Variants in STOX2 observed in about 807,000 individuals in gnomAD.
The protein encoded by STOX2 is storkhead box 2.
In STOX2, 28 loss-of-function variants were observed where a neutral mutation model predicts 60.9. That is an observed-to-expected ratio of 0.46 (90% CI 0.34 to 0.63). The LOEUF is 0.63. Ranked by LOEUF, STOX2 falls within the 30% of genes least tolerant of loss-of-function variation. The pLI is 0.01. For missense variants in STOX2, 1,024 were observed against 1,187.7 expected (o/e 0.86, Z 2.03); for synonymous variants, 472 against 463.9 (o/e 1.02, Z -0.22).
At chr4:183,976,082 G>A (rs1263508854) in intron 1 of STOX2, among the ~76,000 whole-genome samples, 1 of 152,240 alleles carries the variant, frequency 6.6e-6, no homozygotes, top group Non-Finnish European at 1.5e-5. Context: ...GGAGGCCAAG[G>A]CAGGCAGATC....
At position 184,020,131 on chromosome 4, in the gene STOX2, G is replaced by A. The variant is rs936304109; in HGVS notation, c.*2847G>A. 18 of 152,230 alleles carry A rather than the reference G, an allele frequency of 1.2e-4. No homozygotes were observed. The highest frequency in any genetic ancestry group is 1.7e-4 in the African/African-American group (7 of 41,524). 9.4% of individuals were successfully genotyped at this position (152,230 alleles called of 1,614,324 possible). A position where few individuals can be genotyped will look rare whatever the true frequency, so the allele number is the denominator to read the frequency against. ...CCATAAATTTGATGAAATGGCAGCC[G>A]TGTGTTAAAGTGTATCGTTCAGAAG... On this transcript the variant is annotated 3_prime_UTR_variant, in exon 4 of 4. Transcript: ENST00000308497.
chr4:183,849,709 C>G (rs148178291), intron 1 of STOX2, among the ~76,000 whole-genome samples: 1 of 152,076 alleles, frequency 6.6e-6, no homozygotes, highest in African/African-American at 2.4e-5. Flanking sequence ...AAGACTGGAG[C>G]CATCCACACA....
chr4:183,860,874 T>G (rs922720543), intron 1 of STOX2, among the ~76,000 whole-genome samples: 7 of 152,150 alleles, frequency 4.6e-5, no homozygotes, highest in Non-Finnish European at 8.8e-5. Flanking sequence ...TTTCCGTAGG[T>G]GGAAGACAGC....
At chr4:183,803,922 C>T (rs1235690738) in intron 1 of STOX2, among the ~76,000 whole-genome samples, 3 of 152,146 alleles carry the variant, frequency 2.0e-5, no homozygotes, top group Non-Finnish European at 4.4e-5. Context: ...GAGCTGAGAT[C>T]ACGACACTGC....
chr4:184,018,223 A>G lies in STOX2; in HGVS notation c.*939A>G, dbSNP rs945492574. On this transcript the variant is annotated 3_prime_UTR_variant, in exon 4 of 4. Transcript: ENST00000308497. ...ACAATAATTAGTTTGTTTAAAAGCAAAATGTTCTTTGTGATACAAATGAAG... is the reference window on the plus strand; with the variant it reads ...ACAATAATTAGTTTGTTTAAAAGCAGAATGTTCTTTGTGATACAAATGAAG... The G allele has an allele frequency of 1.3e-5, 2 of 152,242 alleles. No homozygotes were observed. The highest frequency in any genetic ancestry group is 2.9e-5 in the Non-Finnish European group (2 of 68,044). The allele number at this position is 152,242 out of a possible 1,614,324, so 9.4% of individuals were successfully genotyped here.
rs554942530 is a variant in STOX2, at chr4:183,922,320, A to T, written c.166+15364A>T. Among the ~76,000 whole-genome samples, 161 of 152,006 alleles carry T rather than the reference A, an allele frequency of 1.1e-3. 1 individual carries two copies. Among genetic ancestry groups the T allele is most frequent in the Non-Finnish European group, 1.9e-3 (128 of 67,946 alleles). Reference sequence around the variant, plus strand: ...ACTTTTTCAAATTGTGGTAAAAAAAAAACACATAATGCAAAAGTTACCATC... The same window carrying T: ...ACTTTTTCAAATTGTGGTAAAAAAATAACACATAATGCAAAAGTTACCATC... On this transcript the variant is annotated intron_variant, in intron 1 of 3. Coordinates refer to ENST00000308497, the MANE Select transcript of STOX2 (RefSeq NM_020225.3).
chr4:183,855,896 C>T (rs142121288), intron 1 of STOX2, among the ~76,000 whole-genome samples: 1 of 152,292 alleles, frequency 6.6e-6, no homozygotes, highest in Non-Finnish European at 1.5e-5. Context: ...ATTTTAGCTG[C>T]CTCACGATGC....
chr4:183,920,233 C>A lies in STOX2; in HGVS notation c.166+13277C>A, dbSNP rs150423010. On this transcript the variant is annotated intron_variant, in intron 1 of 3. Coordinates refer to ENST00000308497, the MANE Select transcript of STOX2 (RefSeq NM_020225.3). ...TGGGTTCAAGCAATTCTCCTGCCTC[C>A]GCCTCCTGAGTAGCTGGGATGGCCT... Among the ~76,000 whole-genome samples, 788 of 152,102 alleles carry A rather than the reference C, an allele frequency of 5.2e-3. 5 individuals carry two copies. The highest frequency in any genetic ancestry group is 0.018 in the African/African-American group (757 of 41,492).
At chr4:183,890,166 G>C (rs1170028613) in intron 1 of STOX2, among the ~76,000 whole-genome samples, 2 of 152,044 alleles carry the variant, frequency 1.3e-5, no homozygotes, top group Non-Finnish European at 2.9e-5. Flanking sequence ...AAGGAAACCG[G>C]TAAACTCAGG....
chr4:183,935,716 T>A (rs990434082), intron 1 of STOX2, among the ~76,000 whole-genome samples: 2 of 152,222 alleles, frequency 1.3e-5, no homozygotes, highest in African/African-American at 4.8e-5. Context: ...GTTATGAGAA[T>A]TAATATTAAT....
At chr4:183,898,433 G>A (rs946486389) in intron 1 of STOX2, among the ~76,000 whole-genome samples, 1 of 152,204 alleles carries the variant, frequency 6.6e-6, no homozygotes, top group African/African-American at 2.4e-5. Context: ...GGAATGAGCA[G>A]CTTGAGTTTG....
At position 183,865,008 on chromosome 4, in the gene STOX2, T is replaced by A. The variant is rs937693678; in HGVS notation, c.364+66953T>A. On this transcript the variant is annotated intron_variant, in intron 1 of 2. Coordinates refer to the STOX2 transcript ENST00000513034. This position sits in a 1 kb window ranked among gnomAD's most constrained non-coding sequence, Gnocchi z 4.1. The stretch of plus-strand genomic sequence containing the variant: ...GCTCCGGTATGAAAGATCACAGTTC[T>A]CCAAATCCCAGTTACCCTGGGAACA... Among the ~76,000 whole-genome samples the A allele has an allele frequency of 1.3e-5, 2 of 152,224 alleles. No homozygotes were observed. Among genetic ancestry groups the A allele is most frequent in the Non-Finnish European group, 2.9e-5 (2 of 68,042 alleles).
Position 184,010,746 on chromosome 4 carries a change from C to T in STOX2, c.1908C>T (p.Leu636=). 1 of 1,589,658 alleles carries T rather than the reference C, an allele frequency of 6.3e-7. No individual in the cohort carries two copies. The highest frequency in any genetic ancestry group is 1.7e-5 in the Admixed American group (1 of 57,328). The change falls in exon 3 of 4, where the codon CTC becomes CTT. Residue 636 remains leucine, a synonymous_variant. Transcript: ENST00000308497. The surrounding 1 kb of genome is among the most constrained non-coding windows in gnomAD (Gnocchi z 4.5). ...TLTLAEGVKK[L]SPSDRQVPHS... ...CTTTGGCAGAAGGGGTGAAAAAGCT[C>T]TCCCCTTCTGATAGGCAGGTCCCCC...
chr4:184,011,681 A>G lies in STOX2; in HGVS notation c.2585+258A>G, dbSNP rs1734180198. On this transcript the variant is annotated intron_variant, in intron 3 of 3. Coordinates refer to ENST00000308497, the MANE Select transcript of STOX2 (RefSeq NM_020225.3). This position sits in a 1 kb window ranked among gnomAD's most constrained non-coding sequence, Gnocchi z 4.4. ...AAACTTGCATCAGTCTGATCTAACT[A>G]AAACCAATATTTCCAGTATTTTTTC... 7.2e-7 allele frequency: 1 copy of G among 1,379,996 alleles called. No homozygotes were observed. The highest frequency in any genetic ancestry group is 9.5e-7 in the Non-Finnish European group (1 of 1,050,252). 85.5% of individuals were successfully genotyped at this position (1,379,996 alleles called of 1,614,324 possible).
intron 1 of STOX2, among the ~76,000 whole-genome samples, chr4:183,914,820 G>C (rs945763822): frequency 2.6e-5 from 4 of 152,086 alleles, no homozygotes; most frequent in African/African-American, 7.2e-5. Flanking sequence ...GAGATTGTCC[G>C]CTTTCCTGTT....
intron 1 of STOX2, among the ~76,000 whole-genome samples, chr4:183,998,094 T>C (rs557147055): frequency 5.6e-4 from 86 of 152,338 alleles, no homozygotes; most frequent in Admixed American, 1.1e-3. Context: ...AATCTGGAAA[T>C]AGTCCGGCCT....
At chr4:183,888,376 C>T (rs570416819) in intron 1 of STOX2, among the ~76,000 whole-genome samples, 5 of 152,278 alleles carry the variant, frequency 3.3e-5, no homozygotes, top group South Asian at 4.1e-4. Context: ...GTTTTACAGC[C>T]GGGGAAACTG....
chr4:183,838,597 T>A (rs1022558622), intron 1 of STOX2, among the ~76,000 whole-genome samples: 2 of 152,214 alleles, frequency 1.3e-5, no homozygotes, highest in African/African-American at 4.8e-5. Context: ...AAATGGCCGA[T>A]TACTTTGTGA....
At chr4:183,832,613 C>T (rs1282505651) in intron 1 of STOX2, among the ~76,000 whole-genome samples, 2 of 151,696 alleles carry the variant, frequency 1.3e-5, no homozygotes, top group African/African-American at 4.8e-5. Context: ...GCCTCAGCCT[C>T]CCAAGTAACT....
Sources: allele counts gnomAD v4.1 joint callset (sites outside exome capture counted in the v4.1 genomes callset), GRCh38; gene constraint gnomAD v4.1.1; non-coding constraint Gnocchi (gnomAD v3.1); transcripts MANE v1.5; gene names NCBI Gene and HGNC (gene_info 2026-07-23, HGNC 2026-07-21).